Variants in CRISP1 observed in about 807,000 individuals in gnomAD.
CRISP1 encodes cysteine-rich secretory protein 1.
In CRISP1, 44 loss-of-function variants were observed where a neutral mutation model predicts 33.1. The observed-to-expected ratio is 1.33, with a 90% CI of 1.05 to 1.71. The LOEUF (loss-of-function observed/expected upper bound fraction) is 1.71, where lower values mean the gene tolerates loss of function less well. Among genes scored for constraint, CRISP1 ranks in the 40% most tolerant of loss-of-function variants. The pLI, the probability that CRISP1 is intolerant of heterozygous loss-of-function variation, is 0.00. For synonymous variants in CRISP1, 103 were observed against 98.7 expected (o/e 1.04, Z -0.26); for missense variants, 390 against 301.2 (o/e 1.29, Z -2.18).
intron 1 of CRISP1, among the ~76,000 whole-genome samples, chr6:49,873,273 T>C (rs903790088): frequency 2.6e-5 from 4 of 152,108 alleles, no homozygotes; most frequent in Admixed American, 2.0e-4. Flanking sequence ...AAAGAAAATT[T>C]TTCCAAAATA....
chr6:49,876,398 A>G (rs1772036908), intron 1 of CRISP1, among the ~76,000 whole-genome samples: 1 of 152,020 alleles, frequency 6.6e-6, no homozygotes, highest in Non-Finnish European at 1.5e-5. Context: ...AATTGCTGAT[A>G]AGGTTGCAGA....
rs575240216 is a variant in CRISP1 at position 49,836,898 on chromosome 6, A to AT, written c.623-1456dup. Among the ~76,000 whole-genome samples, 927 of 151,948 alleles carry AT rather than the reference A, an allele frequency of 6.1e-3. 14 individuals are homozygous for AT. The highest frequency in any genetic ancestry group is 0.021 in the African/African-American group (869 of 41,462). On this transcript the variant is annotated intron_variant, in intron 7 of 7. Transcript: ENST00000335847. ...CAGTAATTTGCCAAAGTCATTACTC[A>AT]TTTTTTTTAAAAAATCAATTACCTA...
chr6:49,844,657 T>C (rs1301908761), intron 5 of CRISP1, among the ~76,000 whole-genome samples: 2 of 143,604 alleles, frequency 1.4e-5, no homozygotes, highest in Non-Finnish European at 3.2e-5. Context: ...TGCCTCCAAG[T>C]TGGCCAAGAG....
chr6:49,839,272 CAAAAAAAAAAAAAA>C (rs60021006), intron 6 of CRISP1, among the ~76,000 whole-genome samples: 7 of 54,884 alleles, frequency 1.3e-4, no homozygotes, highest in African/African-American at 5.0e-4. Context: ...TTCATATCTA[CAAAAAAAAAAAAAA>C]AAAAAAAAAA....
intron 1 of CRISP1, among the ~76,000 whole-genome samples, chr6:49,857,992 C>T (rs898254208): frequency 3.9e-5 from 6 of 152,142 alleles, no homozygotes; most frequent in Non-Finnish European, 1.5e-5. Flanking sequence ...ACCTCCAGAA[C>T]AGTAGGATAA....
chr6:49,843,774 T>C (rs1297547017), intron 5 of CRISP1, among the ~76,000 whole-genome samples: 1 of 152,170 alleles, frequency 6.6e-6, no homozygotes, highest in Non-Finnish European at 1.5e-5. Flanking sequence ...AAAGTGTAGA[T>C]TGCCTTGAGG....
At chr6:49,859,693 A>T (rs1036327600) in intron 1 of CRISP1, among the ~76,000 whole-genome samples, 4 of 152,186 alleles carry the variant, frequency 2.6e-5, no homozygotes, top group Admixed American at 2.0e-4. Flanking sequence ...AACCACCATG[A>T]TAAACAATAA....
At chr6:49,861,462 T>C (rs760292629) in intron 1 of CRISP1, among the ~76,000 whole-genome samples, 1 of 152,174 alleles carries the variant, frequency 6.6e-6, no homozygotes, top group Non-Finnish European at 1.5e-5. Context: ...AATCAATAAA[T>C]GTGACATATC....
chr6:49,857,672 T>C (rs2127475752), intron 1 of CRISP1, among the ~76,000 whole-genome samples: 1 of 152,298 alleles, frequency 6.6e-6, no homozygotes, highest in Middle Eastern at 3.4e-3. Context: ...GGAATTAAGG[T>C]AGCAGATGGA....
chr6:49,847,869 T>C (rs1389234174), intron 4 of CRISP1, among the ~76,000 whole-genome samples: 1 of 152,106 alleles, frequency 6.6e-6, no homozygotes, highest in Non-Finnish European at 1.5e-5. Context: ...ATGGTGCTAT[T>C]GTTCAGTAGC....
chr6:49,846,260 A>G (rs1318156794), intron 5 of CRISP1, among the ~76,000 whole-genome samples: 1 of 152,206 alleles, frequency 6.6e-6, no homozygotes, highest in Non-Finnish European at 1.5e-5. Flanking sequence ...TACCAATATC[A>G]AATGAGATTG....
At chr6:49,867,089 A>T (rs1771817032), upstream of CRISP1, among the ~76,000 whole-genome samples, 1 of 152,194 alleles carries the variant, frequency 6.6e-6, no homozygotes, top group African/African-American at 2.4e-5. Context: ...GTCCAGAAAC[A>T]ATGTGGAAGC....
chr6:49,862,646 G>C lies in CRISP1; in HGVS notation c.-3+3783C>G, dbSNP rs562074700. On this transcript the variant is annotated intron_variant, in intron 1 of 7. Coordinates refer to ENST00000335847, the MANE Select transcript of CRISP1 (RefSeq NM_001131.3). Reference sequence around the variant, plus strand: ...TATCACCTGGGATTATGGTTACTTTGCATGTTGGCATATCCAATGAATTCT... The same window carrying C: ...TATCACCTGGGATTATGGTTACTTTCCATGTTGGCATATCCAATGAATTCT... Among the ~76,000 whole-genome samples the C allele has an allele frequency of 2.0e-5, 3 of 152,148 alleles. No individual in the cohort carries two copies. The South Asian group carries it at 6.2e-4, about 32-fold the overall frequency.
chr6:49,876,139 T>C (rs968535303), intron 1 of CRISP1, among the ~76,000 whole-genome samples: 4 of 152,086 alleles, frequency 2.6e-5, no homozygotes, highest in East Asian at 1.9e-4. Flanking sequence ...TTTCGGTCTA[T>C]TCATCTGACA....
At chr6:49,842,746 T>A (rs955633619) in intron 5 of CRISP1, among the ~76,000 whole-genome samples, 5 of 152,118 alleles carry the variant, frequency 3.3e-5, no homozygotes, top group Admixed American at 3.3e-4. Context: ...GAAGTTCCCA[T>A]CTCTCAAGTG....
intron 1 of CRISP1, among the ~76,000 whole-genome samples, chr6:49,861,854 A>G (rs1771662406): frequency 6.6e-6 from 1 of 151,858 alleles, no homozygotes; most frequent in Non-Finnish European, 1.5e-5. Flanking sequence ...CATTGCGCTC[A>G]AGCCTGGACA....
chr6:49,867,863 T>C (rs1448527701), upstream of CRISP1, among the ~76,000 whole-genome samples: 2 of 152,148 alleles, frequency 1.3e-5, no homozygotes, highest in Admixed American at 6.5e-5. Context: ...TCCAAATTAT[T>C]GAGCAACTTT....
Position 49,835,073 on chromosome 6 carries a change from T to C in CRISP1, c.*243A>G, listed in dbSNP as rs1770741228. ...ATACCATAAGTTGAATTATGCCAAC[T>C]TAAAAACTATAAATCACATGATTTA... On this transcript the variant is annotated 3_prime_UTR_variant, in exon 8 of 8. Transcript: ENST00000335847. 3.0e-5 allele frequency: 11 copies of C among 361,454 alleles called. No homozygotes were observed. Among genetic ancestry groups the C allele is most frequent in the Non-Finnish European group, 5.4e-5 (11 of 202,444 alleles). 22.4% of individuals were successfully genotyped at this position (361,454 alleles called of 1,614,324 possible).
At chr6:49,876,242 C>A (rs1772032631) in intron 1 of CRISP1, among the ~76,000 whole-genome samples, 1 of 152,036 alleles carries the variant, frequency 6.6e-6, no homozygotes, top group African/African-American at 2.4e-5. Flanking sequence ...TGAACAGATA[C>A]TTCTCAAAAG....
Sources: allele counts gnomAD v4.1 joint callset (sites outside exome capture counted in the v4.1 genomes callset), GRCh38; gene constraint gnomAD v4.1.1; transcripts MANE v1.5; gene names NCBI Gene and HGNC (gene_info 2026-07-23, HGNC 2026-07-21).